TNNI3: variants seen among roughly 807,000 people sequenced by gnomAD.
TNNI3 encodes the protein troponin I3, cardiac type.
Under a neutral mutation model 31.5 loss-of-function variants are expected in TNNI3, and 23 were observed. That is an observed-to-expected ratio of 0.73 (90% CI 0.52 to 1.03). TNNI3 has a LOEUF of 1.03. Ranked by LOEUF, TNNI3 falls within the 50% of genes least tolerant of loss-of-function variation. The pLI is 0.00. For missense variants in TNNI3, 236 were observed against 282.9 expected, an observed-to-expected ratio of 0.83 and a Z score of 1.19; for synonymous variants, 120 against 111.7, an observed-to-expected ratio of 1.07 and a Z score of -0.47.
chr19:55,157,030 C>T lies in TNNI3; in HGVS notation c.108+20G>A. The T allele has an allele frequency of 1.3e-6, 2 of 1,571,922 alleles. No individual in the cohort carries two copies. The highest frequency in any genetic ancestry group is 8.6e-7 in the Non-Finnish European group (1 of 1,162,028). On this transcript the variant is annotated intron_variant, in intron 3 of 7. Transcript: ENST00000344887. This position sits in a 1 kb window ranked among gnomAD's most constrained non-coding sequence, Gnocchi z 6.3. ...ATCCCTCCGGCGCCTGTACTCTGCC[C>T]CCAGGAAGCCCCGTCCCACCTTGGC...
chr19:55,152,383 G>A lies in TNNI3; in HGVS notation c.550-466C>T, dbSNP rs1417061954. ...TTTCAGTTACCTGAGGTAAACCATG[G>A]CCCAAAAATATTAAATGGAAAATTC... is the stretch of plus-strand genomic sequence containing the variant. On this transcript the variant is annotated intron_variant, in intron 7 of 7. Transcript: ENST00000344887. This position sits in a 1 kb window ranked among gnomAD's most constrained non-coding sequence, Gnocchi z 4.0. Among the ~76,000 whole-genome samples the A allele has an allele frequency of 6.6e-6, 1 of 152,080 alleles. No homozygotes were observed. The highest frequency in any genetic ancestry group is 2.4e-5 in the African/African-American group (1 of 41,384).
Position 55,156,106 on chromosome 19 carries a change from C to A in TNNI3, c.282+95G>T. 1 of 1,586,760 alleles carries A rather than the reference C, an allele frequency of 6.3e-7. No homozygotes were observed. The highest frequency in any genetic ancestry group is 8.6e-7 in the Non-Finnish European group (1 of 1,157,898). On this transcript the variant is annotated intron_variant, in intron 5 of 7. Transcript: ENST00000344887. The surrounding 1 kb of genome is among the most constrained non-coding windows in gnomAD (Gnocchi z 4.6). ...ACCATATATAATTGGGTAAGGACAG[C>A]CATATTGGACGCCTGGGTCCCGAGC...
Position 55,152,768 on chromosome 19 carries a change from G to C in TNNI3, c.550-851C>G, listed in dbSNP as rs2085702335. ...AGACTCCTGAGGAGCTGGGACCACAGGTGTGTGCCACCATGCCCAGCTAAC... is the reference window on the plus strand; with the variant it reads ...AGACTCCTGAGGAGCTGGGACCACACGTGTGTGCCACCATGCCCAGCTAAC... On this transcript the variant is annotated intron_variant, in intron 7 of 7. Transcript: ENST00000344887. This position sits in a 1 kb window ranked among gnomAD's most constrained non-coding sequence, Gnocchi z 4.0. Among the ~76,000 whole-genome samples, 1 of 152,094 alleles carries C rather than the reference G, an allele frequency of 6.6e-6. No homozygotes were observed. Among genetic ancestry groups the C allele is most frequent in the Non-Finnish European group, 1.5e-5 (1 of 68,030 alleles).
chr19:55,157,224 C>G lies in TNNI3; in HGVS notation c.24+72G>C. The stretch of plus-strand genomic sequence containing the variant: ...CCTCTGCTAGGGCTGCAGCCTCCCG[C>G]CCCAGACCCCTCACTGCAGCGCCCA... On this transcript the variant is annotated intron_variant, in intron 2 of 7. Transcript: ENST00000344887. This position sits in a 1 kb window ranked among gnomAD's most constrained non-coding sequence, Gnocchi z 6.3. 6.2e-7 allele frequency: 1 copy of G among 1,602,714 alleles called. No individual in the cohort carries two copies. Among genetic ancestry groups the G allele is most frequent in the Non-Finnish European group, 8.5e-7 (1 of 1,175,352 alleles).
Position 55,156,578 on chromosome 19 carries a change from C to CT in TNNI3, c.150+24dup, listed in dbSNP as rs1568859361. 1 of 1,557,798 alleles carries CT rather than the reference C, an allele frequency of 6.4e-7. No individual in the cohort carries two copies. Among genetic ancestry groups the CT allele is most frequent in the East Asian group, 2.4e-5 (1 of 41,628 alleles). The stretch of plus-strand genomic sequence containing the variant: ...TCCGCCCCCTGAGCACCTGCCTGCT[C>CT]TTTCCCAGTCCCGCCCGTCCTCACC... On this transcript the variant is annotated intron_variant, in intron 4 of 7. Transcript: ENST00000344887. The surrounding 1 kb of genome is among the most constrained non-coding windows in gnomAD (Gnocchi z 4.6).
chr19:55,156,470 C>T lies in TNNI3; in HGVS notation c.150+133G>A, dbSNP rs147232119. The T allele has an allele frequency of 5.3e-4, 792 of 1,500,664 alleles. 5 individuals carry two copies. The African/African-American group carries it at 9.7e-3, about 18-fold the overall frequency. 93.0% of individuals were successfully genotyped at this position (1,500,664 alleles called of 1,614,324 possible). A position where few individuals can be genotyped will look rare whatever the true frequency, so the allele number is the denominator to read the frequency against. ...AGGCCCCGTCCCACCCCGAGCAGTA[C>T]TCCCCGCTAAAGCCACGCCCCGAGC... On this transcript the variant is annotated intron_variant, in intron 4 of 7. Transcript: ENST00000344887. This position sits in a 1 kb window ranked among gnomAD's most constrained non-coding sequence, Gnocchi z 4.6.
chr19:55,154,946 AG>A, intron 5 of TNNI3, 116 bp from the exon 6 acceptor site: 1 of 737,950 alleles, frequency 1.4e-6, no homozygotes, highest in Admixed American at 2.4e-5. Context: ...AGGGAGGAGA[AG>A]GGGCTGGGGG....
Position 55,156,594 on chromosome 19 carries a change from C to T in TNNI3, c.150+9G>A, listed in dbSNP as rs750675608. On this transcript the variant is annotated intron_variant, in intron 4 of 7. Transcript: ENST00000344887. This position sits in a 1 kb window ranked among gnomAD's most constrained non-coding sequence, Gnocchi z 4.6. ...CTGCCTGCTCTTTCCCAGTCCCGCC[C>T]GTCCTCACCTTCAGCTGCAATTTTC... The T allele has an allele frequency of 4.5e-6, 7 of 1,561,290 alleles. No individual in the cohort carries two copies. Among genetic ancestry groups the T allele is most frequent in the Non-Finnish European group, 6.1e-6 (7 of 1,151,290 alleles).
Position 55,157,579 on chromosome 19 carries a change from C to T in TNNI3, c.11G>A (p.Gly4Glu), listed in dbSNP as rs1351385449. ...CCCACTGCCTTGGGGCATCACTCAC[C>T]CATCCGCCATGCTGAGACTCAGGCC... Reference protein sequence around the residue: MADGSSDAAREPRP... With the variant: MADESSDAAREPRP... The change falls in exon 1 of 8, where the codon GGG (glycine) becomes GAG (glutamate). Residue 4 changes from glycine (G) to glutamate (E), a missense_variant and splice_region_variant. Gly to Glu is a moderately conservative substitution (Grantham distance 98). Around this residue, in one of 4 missense-constraint regions of TNNI3, gnomAD observed 172 missense variants for 171.8 expected, o/e 1.00. Coordinates refer to ENST00000344887, the MANE Select transcript of TNNI3 (RefSeq NM_000363.5). The surrounding 1 kb of genome is among the most constrained non-coding windows in gnomAD (Gnocchi z 6.3). The T allele has an allele frequency of 6.2e-7, 1 of 1,613,980 alleles. No homozygotes were observed.
rs937606105 is a variant in TNNI3, at chr19:55,156,472, C to A, written c.150+131G>T. The A allele has an allele frequency of 1.3e-6, 2 of 1,501,602 alleles. No individual in the cohort carries two copies. The highest frequency in any genetic ancestry group is 1.8e-6 in the Non-Finnish European group (2 of 1,109,248). 93.0% of individuals were successfully genotyped at this position (1,501,602 alleles called of 1,614,324 possible). ...GCCCCGTCCCACCCCGAGCAGTACT[C>A]CCCGCTAAAGCCACGCCCCGAGCGG... On this transcript the variant is annotated intron_variant, in intron 4 of 7. Transcript: ENST00000344887. The surrounding 1 kb of genome is among the most constrained non-coding windows in gnomAD (Gnocchi z 4.6).
Position 55,156,523 on chromosome 19 carries a change from C to A in TNNI3, c.150+80G>T. The A allele has an allele frequency of 6.5e-7, 1 of 1,538,080 alleles. No individual in the cohort carries two copies. Among genetic ancestry groups the A allele is most frequent in the East Asian group, 2.4e-5 (1 of 40,822 alleles). Reference sequence around the variant, plus strand: ...CCAAACCCCGCCCACTTCCGCCCACCTACCCCGAAAGCCCCACCCATTCTC... The same window carrying A: ...CCAAACCCCGCCCACTTCCGCCCACATACCCCGAAAGCCCCACCCATTCTC... On this transcript the variant is annotated intron_variant, in intron 4 of 7. Transcript: ENST00000344887. This position sits in a 1 kb window ranked among gnomAD's most constrained non-coding sequence, Gnocchi z 4.6.
intron 6 of TNNI3, 162 bp downstream of exon 6, chr19:55,154,579 A>G (rs1000432255): frequency 1.4e-6 from 1 of 718,754 alleles, no homozygotes. Flanking sequence ...GCTTTCCTTG[A>G]CTATATTGTA....
At position 55,156,816 on chromosome 19, in the gene TNNI3, G is replaced by T; in HGVS notation, c.109-172C>A. On this transcript the variant is annotated intron_variant, in intron 3 of 7. Transcript: ENST00000344887. This position sits in a 1 kb window ranked among gnomAD's most constrained non-coding sequence, Gnocchi z 4.6. ...GCCCCTCATTCCCATCCACCAATCT[G>T]GGTCTCTTCCTTTGGATAGGCACTT... 1.1e-6 allele frequency: 1 copy of T among 872,356 alleles called. No individual in the cohort carries two copies. The allele number at this position is 872,356 out of a possible 1,614,324, so 54.0% of individuals were successfully genotyped here.
rs1224692163 is a variant in TNNI3 at position 55,156,475 on chromosome 19, C to T, written c.150+128G>A. The T allele has an allele frequency of 6.6e-7, 1 of 1,505,644 alleles. No individual in the cohort carries two copies. The highest frequency in any genetic ancestry group is 9.0e-7 in the Non-Finnish European group (1 of 1,112,322). 93.3% of individuals were successfully genotyped at this position (1,505,644 alleles called of 1,614,324 possible). On this transcript the variant is annotated intron_variant, in intron 4 of 7. Coordinates refer to ENST00000344887, the MANE Select transcript of TNNI3 (RefSeq NM_000363.5). The surrounding 1 kb of genome is among the most constrained non-coding windows in gnomAD (Gnocchi z 4.6). ...CCGTCCCACCCCGAGCAGTACTCCC[C>T]GCTAAAGCCACGCCCCGAGCGGCCA...
chr19:55,154,400 C>T, intron 6 of TNNI3, 194 bp from the exon 7 acceptor site: 1 of 668,362 alleles, frequency 1.5e-6, no homozygotes, highest in South Asian at 1.8e-5. Context: ...GCTCCAGCCT[C>T]ACCTCTCAAA....
chr19:55,152,964 A>C lies in TNNI3; in HGVS notation c.550-1047T>G, dbSNP rs2085703129. Among the ~76,000 whole-genome samples, 1 of 152,002 alleles carries C rather than the reference A, an allele frequency of 6.6e-6. No homozygotes were observed. The highest frequency in any genetic ancestry group is 6.6e-5 in the Admixed American group (1 of 15,244). ...ACAGGCACCCACGACCACGCCCAGC[A>C]AATGTTTGTATTTTTACTACAGGTG... On this transcript the variant is annotated intron_variant, in intron 7 of 7. Coordinates refer to ENST00000344887, the MANE Select transcript of TNNI3 (RefSeq NM_000363.5). The surrounding 1 kb of genome is among the most constrained non-coding windows in gnomAD (Gnocchi z 4.0).
At position 55,157,155 on chromosome 19, in the gene TNNI3, C is replaced by A; in HGVS notation, c.25-22G>T. The A allele has an allele frequency of 1.3e-6, 2 of 1,592,996 alleles. No individual in the cohort carries two copies. The highest frequency in any genetic ancestry group is 1.7e-6 in the Non-Finnish European group (2 of 1,171,382). On this transcript the variant is annotated intron_variant, in intron 2 of 7. Coordinates refer to ENST00000344887, the MANE Select transcript of TNNI3 (RefSeq NM_000363.5). This position sits in a 1 kb window ranked among gnomAD's most constrained non-coding sequence, Gnocchi z 6.3. ...TAGCCTGGGTTAGGAGGAGTGGGGA[C>A]CCCATCACCACCAAGACCCCACCCA...
Position 55,157,616 on chromosome 19 carries a change from G to A in TNNI3, c.-27C>T, listed in dbSNP as rs763720213. On this transcript the variant is annotated 5_prime_UTR_variant, in exon 1 of 8. Coordinates refer to ENST00000344887, the MANE Select transcript of TNNI3 (RefSeq NM_000363.5). The surrounding 1 kb of genome is among the most constrained non-coding windows in gnomAD (Gnocchi z 6.3). ...CTGAGACTCAGGCCGGGAATGGCAGGAGGCAGGGCGAGGACAGGGGCGTTT... is the reference window on the plus strand; with the variant it reads ...CTGAGACTCAGGCCGGGAATGGCAGAAGGCAGGGCGAGGACAGGGGCGTTT... The A allele has an allele frequency of 6.2e-7, 1 of 1,613,994 alleles. No individual in the cohort carries two copies. The highest frequency in any genetic ancestry group is 1.1e-5 in the South Asian group (1 of 91,070).
rs730881083 is a variant in TNNI3 at position 55,151,841 on chromosome 19, T to C, written c.626A>G (p.Glu209Gly). 6.2e-7 allele frequency: 1 copy of C among 1,614,012 alleles called. No homozygotes were observed. The highest frequency in any genetic ancestry group is 1.1e-5 in the South Asian group (1 of 91,078). The change falls in exon 8 of 8, where the codon GAG (glutamate) becomes GGG (glycine). Residue 209 changes from glutamate (E) to glycine (G), a missense_variant. Transcript: ENST00000344887. The stretch of plus-strand genomic sequence containing the variant: ...GGCAGTAGGCAGGAAGGCTCAGCTC[T>C]CAAACTTTTTCTTGCGGCCCTCCAT... Reference protein sequence around the residue: ...SGMEGRKKKFES With the variant: ...SGMEGRKKKFGS
Sources: allele counts gnomAD v4.1 joint callset (sites outside exome capture counted in the v4.1 genomes callset), GRCh38; gene constraint gnomAD v4.1.1; regional missense constraint gnomAD v4.1.1; non-coding constraint Gnocchi (gnomAD v3.1); transcripts MANE v1.5; gene names NCBI Gene and HGNC (gene_info 2026-07-23, HGNC 2026-07-21).